The following GSG1L variants were observed in gnomAD, a reference collection of about 807,000 sequenced individuals.
GSG1L encodes GSG1 like.
In GSG1L, 24 loss-of-function variants were observed where a neutral mutation model predicts 42.1. The observed-to-expected ratio is 0.57, with a 90% CI of 0.41 to 0.80. The LOEUF (loss-of-function observed/expected upper bound fraction) is 0.80, where lower values mean the gene tolerates loss of function less well. Ranked by LOEUF, GSG1L falls within the 30% of genes least tolerant of loss-of-function variation. The pLI is 0.00. For synonymous variants in GSG1L, 215 were observed against 203.5 expected, an observed-to-expected ratio of 1.06 and a Z score of -0.48; for missense variants, 445 against 472.2, an observed-to-expected ratio of 0.94 and a Z score of 0.53.
chr16:27,812,517 A>G (rs1645334), intron 5 of GSG1L, among the ~76,000 whole-genome samples: 101,628 of 152,046 alleles, frequency 0.67, 34,524 homozygotes, highest in African/African-American at 0.79. Context: ...CAGGTGGTGG[A>G]CGGGATTCGG....
At chr16:27,971,773 G>C (rs2141116046) in intron 1 of GSG1L, among the ~76,000 whole-genome samples, 1 of 152,266 alleles carries the variant, frequency 6.6e-6, no homozygotes, top group Middle Eastern at 3.4e-3. Context: ...GTTGTTAGCT[G>C]TGGGGTTTTT....
At chr16:27,914,569 G>A (rs1238825186) in intron 2 of GSG1L, among the ~76,000 whole-genome samples, 1 of 146,836 alleles carries the variant, frequency 6.8e-6, no homozygotes, top group Non-Finnish European at 1.5e-5. Flanking sequence ...TGTTGCCCAG[G>A]CTGGAGTGCA....
rs370266953 is a variant in GSG1L, at chr16:27,936,528, G to C, written c.397+26628C>G. ...CTCTCCTTTGCTTTCCTCCATGAGT[G>C]GAAGCAGCCTGAGGCCCTCACCAGA... On this transcript the variant is annotated intron_variant, in intron 2 of 6. Coordinates refer to ENST00000447459, the MANE Select transcript of GSG1L (RefSeq NM_001109763.2). Among the ~76,000 whole-genome samples the C allele has an allele frequency of 3.7e-4, 56 of 152,266 alleles. 3 individuals carry two copies. The highest frequency in any genetic ancestry group is 1.3e-3 in the African/African-American group (53 of 41,572).
At chr16:28,000,680 C>A (rs922434704) in intron 1 of GSG1L, among the ~76,000 whole-genome samples, 3 of 152,284 alleles carry the variant, frequency 2.0e-5, no homozygotes, top group East Asian at 1.9e-4. Flanking sequence ...GCTCTCTAAG[C>A]TTCCCACAGA....
At chr16:27,851,273 T>G (rs1254556840) in intron 3 of GSG1L, among the ~76,000 whole-genome samples, 1 of 152,170 alleles carries the variant, frequency 6.6e-6, no homozygotes, top group Non-Finnish European at 1.5e-5. Context: ...CATAGCTCAC[T>G]GCAGCCTCAA....
intron 2 of GSG1L, among the ~76,000 whole-genome samples, chr16:27,910,184 A>G (rs1372554330): frequency 6.6e-6 from 1 of 150,918 alleles, no homozygotes; most frequent in Non-Finnish European, 1.5e-5. Context: ...GCTGTGCTCA[A>G]ACTCATGACC....
intron 1 of GSG1L, among the ~76,000 whole-genome samples, chr16:28,013,372 C>T (rs205372): frequency 0.72 from 109,756 of 151,594 alleles, 41,977 homozygotes; most frequent in South Asian, 0.84. Flanking sequence ...GGGAGGTGGG[C>T]GTCAGGAGGA....
chr16:27,814,738 T>TGAGG (rs2083075249), intron 5 of GSG1L, among the ~76,000 whole-genome samples: 1 of 93,054 alleles, frequency 1.1e-5, no homozygotes, highest in Non-Finnish European at 2.3e-5. Context: ...GGAAGGGAGG[T>TGAGG]GAGGGAGGGA....
chr16:27,949,795 G>A (rs1183926338), intron 2 of GSG1L, among the ~76,000 whole-genome samples: 1 of 151,788 alleles, frequency 6.6e-6, no homozygotes. Context: ...TGCGGTGGTG[G>A]GCGCCTGTAG....
At chr16:27,875,019 C>A (rs2083869628) in intron 3 of GSG1L, among the ~76,000 whole-genome samples, 1 of 152,094 alleles carries the variant, frequency 6.6e-6, no homozygotes, top group Non-Finnish European at 1.5e-5. Context: ...GTGTCAGAAT[C>A]CCCCCCTTGT....
chr16:27,871,194 C>T (rs1392237739), intron 3 of GSG1L, among the ~76,000 whole-genome samples: 1 of 152,104 alleles, frequency 6.6e-6, no homozygotes, highest in Non-Finnish European at 1.5e-5. Context: ...GAGGGGGTGC[C>T]ACTGACATGT....
intron 2 of GSG1L, among the ~76,000 whole-genome samples, chr16:27,915,196 T>TAC (rs66820312): frequency 0.28 from 33,726 of 121,374 alleles, 4,473 homozygotes; most frequent in Admixed American, 0.35. Context: ...CCAGAGGATG[T>TAC]ACACACACAC....
At chr16:27,951,359 G>A (rs2084948711) in intron 2 of GSG1L, among the ~76,000 whole-genome samples, 1 of 152,198 alleles carries the variant, frequency 6.6e-6, no homozygotes, top group Non-Finnish European at 1.5e-5. Context: ...AGTGTGACCA[G>A]TATCCTGCCT....
intron 1 of GSG1L, chr16:27,998,286 G>A (rs1309453352): frequency 1.3e-5 from 2 of 152,186 alleles, no homozygotes; most frequent in Non-Finnish European, 2.9e-5. Flanking sequence ...ACTTCACTTA[G>A]AATAATGGAA....
At chr16:27,976,815 C>G (rs990360047) in intron 1 of GSG1L, among the ~76,000 whole-genome samples, 1 of 152,188 alleles carries the variant, frequency 6.6e-6, no homozygotes, top group South Asian at 2.1e-4. Context: ...CCTTCAAGAT[C>G]CAGCTCAAAT....
intron 5 of GSG1L, among the ~76,000 whole-genome samples, chr16:27,809,218 C>A (rs1345791871): frequency 1.3e-5 from 2 of 151,936 alleles, no homozygotes; most frequent in Non-Finnish European, 2.9e-5. Flanking sequence ...CATAGCAAGA[C>A]CCTAATCTCT....
chr16:27,977,756 G>A (rs1596668912), intron 1 of GSG1L, among the ~76,000 whole-genome samples: 1 of 151,980 alleles, frequency 6.6e-6, no homozygotes, highest in Non-Finnish European at 1.5e-5. Flanking sequence ...TCAACTCAAG[G>A]CCAGTCTTGT....
Position 28,063,202 on chromosome 16 carries a change from T to TGGA in GSG1L, c.222_223insTCC (p.Ala74_Thr75insSer). 7.8e-7 allele frequency: 1 copy of TGGA among 1,281,964 alleles called. No individual in the cohort carries two copies. Among genetic ancestry groups the TGGA allele is most frequent in the Non-Finnish European group, 9.8e-7 (1 of 1,016,824 alleles). 79.4% of individuals were successfully genotyped at this position (1,281,964 alleles called of 1,614,324 possible). Reference sequence around the variant, plus strand: ...CCAGGGGGGCCGTTCCCCGAGGCGGTGGCGGCGGCGGCGGCGGCGGCGGGG... The same window carrying TGGA: ...CCAGGGGGGCCGTTCCCCGAGGCGGTGGAGGCGGCGGCGGCGGCGGCGGCGGGG... On this transcript the variant is annotated inframe_insertion, in exon 1 of 7. Coordinates refer to ENST00000447459, the MANE Select transcript of GSG1L (RefSeq NM_001109763.2). This position sits in a 1 kb window ranked among gnomAD's most constrained non-coding sequence, Gnocchi z 5.8.
intron 1 of GSG1L, among the ~76,000 whole-genome samples, chr16:27,979,719 GAAGGAAGGAAAGAA>G (rs2085299723): frequency 1.9e-5 from 1 of 52,814 alleles, no homozygotes; most frequent in East Asian, 3.3e-4. Context: ...AGGAAGGAAG[GAAGGAAGGAAAGAA>G]AAAGAAAGAA....
Sources: allele counts gnomAD v4.1 joint callset (sites outside exome capture counted in the v4.1 genomes callset), GRCh38; gene constraint gnomAD v4.1.1; non-coding constraint Gnocchi (gnomAD v3.1); transcripts MANE v1.5; gene names NCBI Gene and HGNC (gene_info 2026-07-23, HGNC 2026-07-21).